The following LSAMP variants were observed in gnomAD, a reference collection of about 807,000 sequenced individuals.
The protein encoded by LSAMP is limbic system associated membrane protein.
A neutral mutation model predicts 38.6 loss-of-function variants in LSAMP; 7 were observed. The observed-to-expected ratio is 0.18, with a 90% confidence interval of 0.10 to 0.34. The LOEUF is 0.34. LSAMP is among the 10% of genes least tolerant of loss of function. The probability of loss-of-function intolerance (pLI) is 1.00; values close to 1 mark genes in which losing one functional copy is unlikely to be tolerated. For synonymous variants in LSAMP, 154 were observed against 166.8 expected, an observed-to-expected ratio of 0.92 and a Z score of 0.59; for missense variants, 313 against 420.0, an observed-to-expected ratio of 0.75 and a Z score of 2.23.
chr3:116,414,936 A>G (rs1015671259), intron 1 of LSAMP, among the ~76,000 whole-genome samples: 32 of 152,030 alleles, frequency 2.1e-4, no homozygotes, highest in African/African-American at 7.7e-4. Context: ...AGCAATAAAA[A>G]AGTGGAGCAT....
Position 116,211,407 on chromosome 3 carries a change from C to T in LSAMP, c.156-124851G>A, listed in dbSNP as rs180874638. ...CATATGTTAATTAGCACAATTTAGCCATTCAAAAATGTATACATGTTTCAA... is the reference window on the plus strand; with the variant it reads ...CATATGTTAATTAGCACAATTTAGCTATTCAAAAATGTATACATGTTTCAA... On this transcript the variant is annotated intron_variant, in intron 1 of 6. Coordinates refer to ENST00000490035, the MANE Select transcript of LSAMP (RefSeq NM_002338.5). Among the ~76,000 whole-genome samples the T allele has an allele frequency of 4.4e-3, 664 of 152,170 alleles. 7 individuals are homozygous for T. Among genetic ancestry groups the T allele is most frequent in the African/African-American group, 0.015 (626 of 41,530 alleles).
chr3:116,111,263 A>G (rs1054718641), intron 1 of LSAMP, among the ~76,000 whole-genome samples: 2 of 152,188 alleles, frequency 1.3e-5, no homozygotes, highest in Admixed American at 1.3e-4. Context: ...GGAGTTGACT[A>G]TAGGACAGTT....
chr3:116,108,289 C>G (rs556362079), intron 1 of LSAMP, among the ~76,000 whole-genome samples: 12 of 151,098 alleles, frequency 7.9e-5, no homozygotes, highest in East Asian at 1.9e-4. Flanking sequence ...GTATCTCGGC[C>G]TAATAAGGGA....
chr3:116,287,748 A>AAAGT lies in LSAMP; in HGVS notation c.155+157125_155+157128dup, dbSNP rs1212518636. On this transcript the variant is annotated intron_variant, in intron 1 of 6. Coordinates refer to ENST00000490035, the MANE Select transcript of LSAMP (RefSeq NM_002338.5). ...ACCAACCTCATCACCAGCATATCCC[A>AAAGT]AAGTCCCACCTCCAGTTTGATCATT... Among the ~76,000 whole-genome samples, 6 of 152,310 alleles carry AAAGT rather than the reference A, an allele frequency of 3.9e-5. No individual in the cohort carries two copies. The East Asian group carries it at 7.7e-4, about 20-fold the overall frequency.
chr3:116,006,548 T>A (rs1276085801), intron 3 of LSAMP, among the ~76,000 whole-genome samples: 1 of 152,196 alleles, frequency 6.6e-6, no homozygotes, highest in African/African-American at 2.4e-5. Flanking sequence ...ATAGCAGCCA[T>A]AGTTACCACA....
chr3:116,231,256 A>G (rs1232975322), intron 1 of LSAMP, among the ~76,000 whole-genome samples: 1 of 152,184 alleles, frequency 6.6e-6, no homozygotes, highest in South Asian at 2.1e-4. Context: ...GGTTCTTTAC[A>G]TAGGACACAG....
intron 3 of LSAMP, among the ~76,000 whole-genome samples, chr3:115,909,338 A>G (rs1247748450): frequency 1.3e-5 from 2 of 152,178 alleles, no homozygotes; most frequent in Non-Finnish European, 2.9e-5. Context: ...CAGTCTTGCA[A>G]GTGGTCCTTT....
intron 6 of LSAMP, among the ~76,000 whole-genome samples, chr3:115,814,983 T>G (rs2107454454): frequency 6.6e-6 from 1 of 152,242 alleles, no homozygotes; most frequent in Non-Finnish European, 1.5e-5. Context: ...GCTGTCCATT[T>G]TCTGCCAGTA....
At chr3:116,249,785 T>C in intron 1 of LSAMP, among the ~76,000 whole-genome samples, 1 of 152,104 alleles carries the variant, frequency 6.6e-6, no homozygotes, top group Non-Finnish European at 1.5e-5. Flanking sequence ...CATTAGATCA[T>C]ACTTAGCCAC....
intron 1 of LSAMP, among the ~76,000 whole-genome samples, chr3:116,254,403 T>A (rs2903482): frequency 0.96 from 146,485 of 152,050 alleles, 70,698 homozygotes; most frequent in East Asian, 1. Context: ...GAGAAAAAAA[T>A]TAAAGAAAGA....
At chr3:116,439,749 A>G (rs1209085972) in intron 1 of LSAMP, among the ~76,000 whole-genome samples, 1 of 152,214 alleles carries the variant, frequency 6.6e-6, no homozygotes, top group East Asian at 1.9e-4. Flanking sequence ...TTTGAGACGG[A>G]GTCTCGCTCT....
At chr3:116,305,449 TCAAA>T (rs2047468755) in intron 1 of LSAMP, among the ~76,000 whole-genome samples, 1 of 151,998 alleles carries the variant, frequency 6.6e-6, no homozygotes, top group African/African-American at 2.4e-5. Flanking sequence ...AGAATCTGAC[TCAAA>T]CAAAAATGAC....
At chr3:116,112,394 C>G (rs969971979) in intron 1 of LSAMP, among the ~76,000 whole-genome samples, 6 of 152,168 alleles carry the variant, frequency 3.9e-5, no homozygotes, top group Non-Finnish European at 7.4e-5. Context: ...GCTAGTACAT[C>G]CTTTTTCTAG....
intron 1 of LSAMP, among the ~76,000 whole-genome samples, chr3:116,165,425 C>T (rs1215327929): frequency 6.6e-6 from 1 of 152,052 alleles, no homozygotes; most frequent in South Asian, 2.1e-4. Flanking sequence ...CCCTCCAGAC[C>T]CCCCACCTAG....
chr3:116,391,088 A>G (rs1045095131), intron 1 of LSAMP, among the ~76,000 whole-genome samples: 1 of 152,106 alleles, frequency 6.6e-6, no homozygotes, highest in African/African-American at 2.4e-5. Context: ...TTTGCATCAT[A>G]TTGCACTCCC....
intron 1 of LSAMP, among the ~76,000 whole-genome samples, chr3:116,226,309 G>GGA: frequency 6.6e-6 from 1 of 152,186 alleles, no homozygotes; most frequent in African/African-American, 2.4e-5. Context: ...TCTATTCCAG[G>GGA]GAGAGCAAGA....
At chr3:115,911,141 G>A (rs1490106566) in intron 3 of LSAMP, among the ~76,000 whole-genome samples, 1 of 152,078 alleles carries the variant, frequency 6.6e-6, no homozygotes, top group African/African-American at 2.4e-5. Flanking sequence ...GAAGAGTTGT[G>A]AAATTAAATG....
intron 1 of LSAMP, among the ~76,000 whole-genome samples, chr3:116,308,328 G>A (rs2047511748): frequency 6.6e-6 from 1 of 151,964 alleles, no homozygotes; most frequent in Non-Finnish European, 1.5e-5. Flanking sequence ...GAATCAACAT[G>A]TATCTCTTTC....
At chr3:116,230,347 A>C (rs2046389816) in intron 1 of LSAMP, among the ~76,000 whole-genome samples, 1 of 152,126 alleles carries the variant, frequency 6.6e-6, no homozygotes, top group African/African-American at 2.4e-5. Flanking sequence ...TTAGCACATG[A>C]GATTGCTTCT....
Sources: gnomAD v4.1 joint callset for allele counts (sites outside exome capture counted in the v4.1 genomes callset) on GRCh38, gnomAD v4.1.1 for gene constraint, MANE v1.5 for transcripts, NCBI Gene and HGNC (gene_info 2026-07-23, HGNC 2026-07-21) for gene names.